Variants in RXRA observed in about 807,000 individuals in gnomAD.
The protein encoded by RXRA is retinoid X receptor alpha.
RXRA carries 5 observed loss-of-function variants against 44.5 expected under a neutral mutation model. The ratio of observed to expected loss-of-function variants is 0.11; its 90% confidence interval spans 0.06 to 0.24. The LOEUF is 0.24. Ranked by LOEUF, RXRA falls within the 10% of genes least tolerant of loss-of-function variation. RXRA has a pLI of 1.00. For missense variants in RXRA, 412 were observed against 646.5 expected (o/e 0.64, Z 3.93); for synonymous variants, 291 against 271.4 (o/e 1.07, Z -0.71).
At chr9:134,377,740 G>A (rs1264197438) in intron 1 of RXRA, among the ~76,000 whole-genome samples, 1 of 152,216 alleles carries the variant, frequency 6.6e-6, no homozygotes, top group African/African-American at 2.4e-5. Flanking sequence ...GCTGCTGCCC[G>A]ATTTCCACCG....
chr9:134,425,945 G>C, intron 6 of RXRA: 1 of 985,432 alleles, frequency 1.0e-6, no homozygotes, highest in Non-Finnish European at 1.2e-6. Context: ...GGCTGAGCCA[G>C]GTTGGAGCCC....
chr9:134,424,572 T>C (rs1228299634), intron 6 of RXRA: 40 of 985,340 alleles, frequency 4.1e-5, no homozygotes, highest in Admixed American at 6.1e-5. Flanking sequence ...TTACTCTCTG[T>C]GCCTCAGTGT....
At chr9:134,351,409 C>T (rs372637820) in intron 1 of RXRA, among the ~76,000 whole-genome samples, 6 of 152,330 alleles carry the variant, frequency 3.9e-5, no homozygotes, top group African/African-American at 1.4e-4. Flanking sequence ...GGCTGGTCTC[C>T]AGTCCCTGCC....
chr9:134,390,531 C>G (rs760970183), intron 1 of RXRA, among the ~76,000 whole-genome samples: 3 of 152,178 alleles, frequency 2.0e-5, no homozygotes, highest in Non-Finnish European at 4.4e-5. Context: ...TGGTTTGTCT[C>G]GCTCAGAGTG....
rs951164854 is a variant in RXRA at position 134,365,136 on chromosome 9, C to T, written c.29-36496C>T. 1.7e-4 allele frequency among the ~76,000 whole-genome samples: 26 copies of T among 152,342 alleles called. No individual in the cohort carries two copies. Among genetic ancestry groups the T allele is most frequent in the Non-Finnish European group, 7.3e-5 (5 of 68,030 alleles). On this transcript the variant is annotated intron_variant, in intron 1 of 9. Transcript: ENST00000481739. The surrounding 1 kb of genome is among the most constrained non-coding windows in gnomAD (Gnocchi z 4.0). ...GGGTGAGCCAATGGCTCCGGGGCCA[C>T]CACAGAGGCGGCTGTTGCTGGAGGG...
At chr9:134,395,626 T>A (rs576830013) in intron 1 of RXRA, among the ~76,000 whole-genome samples, 2 of 152,080 alleles carry the variant, frequency 1.3e-5, no homozygotes, top group African/African-American at 4.8e-5. Context: ...GGGGCCTGAG[T>A]GTCCATGTTC....
chr9:134,417,435 G>T lies in RXRA; in HGVS notation c.780+108G>T, dbSNP rs1164989988. The T allele has an allele frequency of 3.8e-6, 5 of 1,303,312 alleles. No individual in the cohort carries two copies. The East Asian group carries it at 1.0e-4, about 26-fold the overall frequency. 80.7% of individuals were successfully genotyped at this position (1,303,312 alleles called of 1,614,324 possible). ...ATGAGCCAGAGAGGTCCTGGGGGCT[G>T]CCCTGGGCCCTGTGGCTGCCTCAGC... On this transcript the variant is annotated intron_variant, in intron 5 of 9. Coordinates refer to ENST00000481739, the MANE Select transcript of RXRA (RefSeq NM_002957.6). This position sits in a 1 kb window ranked among gnomAD's most constrained non-coding sequence, Gnocchi z 6.1.
At chr9:134,326,680 G>A in intron 1 of RXRA, 21 bp downstream of exon 1, 3 of 893,558 alleles carry the variant, frequency 3.4e-6, no homozygotes, top group Non-Finnish European at 4.0e-6. Flanking sequence ...GCCGGGCCGG[G>A]CGGGGACGGG....
intron 1 of RXRA, among the ~76,000 whole-genome samples, chr9:134,384,010 C>A (rs1158277941): frequency 6.6e-6 from 1 of 152,080 alleles, no homozygotes; most frequent in Non-Finnish European, 1.5e-5. Context: ...TGGTACAGAC[C>A]CCAGCTCAAC....
chr9:134,336,228 C>T (rs1027677344), intron 1 of RXRA, among the ~76,000 whole-genome samples: 10 of 152,178 alleles, frequency 6.6e-5, no homozygotes, highest in Admixed American at 6.5e-4. Context: ...GGCAGTGGGG[C>T]CTTCCTCTTC....
chr9:134,372,214 T>G (rs1830499395), intron 1 of RXRA: 1 of 151,746 alleles, frequency 6.6e-6, no homozygotes, highest in African/African-American at 2.4e-5. Flanking sequence ...CAGAAGGGCG[T>G]AGGGAGGGAG....
At chr9:134,333,604 G>A (rs1171679316) in intron 1 of RXRA, among the ~76,000 whole-genome samples, 2 of 152,150 alleles carry the variant, frequency 1.3e-5, no homozygotes, top group East Asian at 1.9e-4. Flanking sequence ...AGACAACCCC[G>A]GGTGCGGCCG....
chr9:134,371,506 G>T (rs1830490736), intron 1 of RXRA, among the ~76,000 whole-genome samples: 1 of 152,006 alleles, frequency 6.6e-6, no homozygotes, highest in Non-Finnish European at 1.5e-5. Flanking sequence ...CCAGACTTCT[G>T]GGGGCACCGT....
intron 1 of RXRA, among the ~76,000 whole-genome samples, chr9:134,377,406 G>A (rs1278666134): frequency 6.6e-6 from 1 of 152,210 alleles, no homozygotes; most frequent in African/African-American, 2.4e-5. Flanking sequence ...GAGCATGGGA[G>A]GGGTCCCCAG....
chr9:134,403,989 C>T (rs532209122), intron 2 of RXRA: 1 of 152,348 alleles, frequency 6.6e-6, no homozygotes, highest in South Asian at 2.1e-4. Flanking sequence ...GCCCTGGTTC[C>T]CCAGAACCCA....
chr9:134,329,583 G>A (rs1327039219), intron 1 of RXRA, among the ~76,000 whole-genome samples: 3 of 152,268 alleles, frequency 2.0e-5, no homozygotes, highest in African/African-American at 7.2e-5. Flanking sequence ...AAGGGCTGGT[G>A]GGGGGCGGGT....
In RXRA at chr9:134,395,044, G is replaced by A. The variant is rs545527524; in HGVS notation, c.29-6588G>A. 6.6e-5 allele frequency among the ~76,000 whole-genome samples: 10 copies of A among 152,348 alleles called. No individual in the cohort carries two copies. The South Asian group carries it at 1.2e-3, about 19-fold the overall frequency. ...GACCAAACTCACAGAGGCAGAGGCC[G>A]GACAGGAGTCCAGAGCCTGACCGAC... On this transcript the variant is annotated intron_variant, in intron 1 of 9. Transcript: ENST00000481739.
At chr9:134,422,005 T>G in intron 6 of RXRA, 200 bp downstream of exon 6, 1 of 1,332,986 alleles carries the variant, frequency 7.5e-7, no homozygotes, top group Non-Finnish European at 9.6e-7. Flanking sequence ...CACTCCCCCT[T>G]CCCGGAACAC....
chr9:134,424,192 G>A (rs1831396203), intron 6 of RXRA: 5 of 985,306 alleles, frequency 5.1e-6, no homozygotes, highest in Non-Finnish European at 4.8e-6. Flanking sequence ...GCACCTGCCT[G>A]TGGTCTCCCT....
Sources: gnomAD v4.1 joint callset for allele counts (sites outside exome capture counted in the v4.1 genomes callset) on GRCh38, gnomAD v4.1.1 for gene constraint, Gnocchi (gnomAD v3.1) non-coding constraint, MANE v1.5 for transcripts, NCBI Gene and HGNC (gene_info 2026-07-23, HGNC 2026-07-21) for gene names.